Variants in MAML2 observed in about 807,000 individuals in gnomAD.
MAML2 encodes mastermind like transcriptional coactivator 2.
Under a neutral mutation model 96.1 loss-of-function variants are expected in MAML2, and 22 were observed. The ratio of observed to expected loss-of-function variants is 0.23; its 90% CI spans 0.16 to 0.33. The LOEUF (loss-of-function observed/expected upper bound fraction) is 0.33. Among genes scored for constraint, MAML2 ranks in the 10% least tolerant of loss-of-function variants. The pLI is 1.00. For synonymous variants in MAML2, 561 were observed against 521.3 expected (o/e 1.08, Z -1.04); for missense variants, 1,367 against 1,392.4 (o/e 0.98, Z 0.29).
chr11:96,004,082 G>A (rs954550090), intron 2 of MAML2, among the ~76,000 whole-genome samples: 6 of 152,072 alleles, frequency 3.9e-5, no homozygotes, highest in Non-Finnish European at 8.8e-5. Flanking sequence ...TTGGTAGGCT[G>A]TATATCAAGC....
chr11:96,293,543 G>A (rs1039773165), intron 1 of MAML2, among the ~76,000 whole-genome samples: 2 of 152,102 alleles, frequency 1.3e-5, no homozygotes, highest in Non-Finnish European at 2.9e-5. Context: ...TTACTAAAAA[G>A]AGAAAGTTTG....
At chr11:96,083,477 G>A (rs891280066) in intron 2 of MAML2, among the ~76,000 whole-genome samples, 1 of 152,148 alleles carries the variant, frequency 6.6e-6, no homozygotes, top group Non-Finnish European at 1.5e-5. Context: ...GATCCATGGG[G>A]CAGCTGAGAG....
At chr11:96,337,726 G>C (rs530488700) in intron 1 of MAML2, among the ~76,000 whole-genome samples, 102 of 152,324 alleles carry the variant, frequency 6.7e-4, no homozygotes, top group Non-Finnish European at 1.2e-3. Flanking sequence ...ACAACTGAAA[G>C]CTGAGTATAC....
chr11:96,220,650 G>C (rs1027332267), intron 1 of MAML2, among the ~76,000 whole-genome samples: 9 of 152,054 alleles, frequency 5.9e-5, no homozygotes, highest in African/African-American at 2.2e-4. Flanking sequence ...CCTTGGGTAT[G>C]CATGAGCTTG....
At chr11:96,228,654 C>T (rs1411619956) in intron 1 of MAML2, among the ~76,000 whole-genome samples, 1 of 152,228 alleles carries the variant, frequency 6.6e-6, no homozygotes, top group East Asian at 1.9e-4. Context: ...CATTCAAGGA[C>T]AGGGTTTCCT....
chr11:96,011,278 A>G (rs1213946441), intron 2 of MAML2, among the ~76,000 whole-genome samples: 3 of 152,218 alleles, frequency 2.0e-5, no homozygotes. Flanking sequence ...TTATATGTTC[A>G]TTGCAACACT....
intron 1 of MAML2, among the ~76,000 whole-genome samples, chr11:96,201,232 AG>A (rs1310394243): frequency 2.6e-5 from 4 of 152,184 alleles, no homozygotes; most frequent in African/African-American, 9.7e-5. Context: ...ATATTTACAA[AG>A]GGAAGTGAAT....
chr11:96,252,844 A>C (rs1862604625), intron 1 of MAML2, among the ~76,000 whole-genome samples: 2 of 152,134 alleles, frequency 1.3e-5, no homozygotes, highest in Non-Finnish European at 2.9e-5. Context: ...TTTACACAAC[A>C]ACCTATGAGA....
intron 1 of MAML2, among the ~76,000 whole-genome samples, chr11:96,225,175 A>T (rs1463087329): frequency 6.6e-6 from 1 of 152,242 alleles, no homozygotes; most frequent in African/African-American, 2.4e-5. Context: ...TCTAAGGAAC[A>T]AAATAGAGGG....
intron 1 of MAML2, among the ~76,000 whole-genome samples, chr11:96,257,284 G>A (rs752261149): frequency 1.1e-3 from 160 of 152,140 alleles, no homozygotes; most frequent in Non-Finnish European, 1.9e-3. Context: ...TGCACTATTG[G>A]AACACTCTCT....
chr11:95,988,065 T>C (rs1214548969), intron 3 of MAML2, among the ~76,000 whole-genome samples: 1 of 151,932 alleles, frequency 6.6e-6, no homozygotes, highest in African/African-American at 2.4e-5. Flanking sequence ...GCATCTGTCA[T>C]TCTTTCTTAT....
intron 2 of MAML2, among the ~76,000 whole-genome samples, chr11:96,062,647 T>G (rs565602945): frequency 6.6e-6 from 1 of 152,178 alleles, no homozygotes; most frequent in Non-Finnish European, 1.5e-5. Flanking sequence ...ATTTTACCTC[T>G]TAGACAGGAT....
intron 1 of MAML2, among the ~76,000 whole-genome samples, chr11:96,181,295 A>G (rs1939480): frequency 0.56 from 84,773 of 151,796 alleles, 24,262 homozygotes; most frequent in East Asian, 0.75. Flanking sequence ...TCTAGTGGTT[A>G]AATACTGGTG....
At chr11:96,180,025 C>T (rs985456872) in intron 1 of MAML2, among the ~76,000 whole-genome samples, 1 of 152,204 alleles carries the variant, frequency 6.6e-6, no homozygotes, top group African/African-American at 2.4e-5. Flanking sequence ...TCTCAAGGTC[C>T]ATTCGAAACT....
chr11:96,127,103 T>A (rs1257737640), intron 1 of MAML2, among the ~76,000 whole-genome samples: 7 of 151,120 alleles, frequency 4.6e-5, no homozygotes, highest in African/African-American at 1.7e-4. Flanking sequence ...GCTTGAAAGG[T>A]GCAGAGTGTT....
intron 1 of MAML2, among the ~76,000 whole-genome samples, chr11:96,256,783 T>C (rs1345709890): frequency 6.6e-6 from 1 of 152,194 alleles, no homozygotes; most frequent in African/African-American, 2.4e-5. Flanking sequence ...TTACTTATTT[T>C]ACACATCTGA....
chr11:96,309,916 C>T (rs888016444), intron 1 of MAML2, among the ~76,000 whole-genome samples: 6 of 151,810 alleles, frequency 4.0e-5, no homozygotes, highest in East Asian at 1.9e-4. Flanking sequence ...TTGACTAGGC[C>T]GGTCTTAAAC....
chr11:96,271,221 G>A (rs938508589), intron 1 of MAML2, among the ~76,000 whole-genome samples: 3 of 152,142 alleles, frequency 2.0e-5, no homozygotes, highest in African/African-American at 7.2e-5. Flanking sequence ...TTGTGATCCT[G>A]TGAGTCAATT....
intron 1 of MAML2, among the ~76,000 whole-genome samples, chr11:96,335,523 C>T (rs1470653368): frequency 6.6e-6 from 1 of 152,106 alleles, no homozygotes; most frequent in African/African-American, 2.4e-5. Flanking sequence ...GCATGTCATG[C>T]AGTATATAAC....
Sources: allele counts gnomAD v4.1 joint callset (sites outside exome capture counted in the v4.1 genomes callset), GRCh38; gene constraint gnomAD v4.1.1; transcripts MANE v1.5; gene names NCBI Gene and HGNC (gene_info 2026-07-23, HGNC 2026-07-21).